The following CLYBL variants were observed in gnomAD, a reference collection of about 807,000 sequenced individuals.
CLYBL encodes citramalyl-CoA lyase, mitochondrial.
A neutral mutation model predicts 38.9 loss-of-function variants in CLYBL; 31 were observed. The ratio of observed to expected loss-of-function variants is 0.80; its 90% CI spans 0.60 to 1.08. The LOEUF is 1.08. Among genes scored for constraint, CLYBL ranks in the 50% least tolerant of loss-of-function variants. The pLI, the probability that CLYBL is intolerant of heterozygous loss-of-function variation, is 0.00. For synonymous variants in CLYBL, 171 were observed against 158.6 expected, an observed-to-expected ratio of 1.08 and a Z score of -0.59; for missense variants, 434 against 411.6, an observed-to-expected ratio of 1.05 and a Z score of -0.47.
chr13:99,789,617 A>G (rs1369249186), intron 2 of CLYBL, among the ~76,000 whole-genome samples: 1 of 152,202 alleles, frequency 6.6e-6, no homozygotes, highest in East Asian at 1.9e-4. Flanking sequence ...TTTACTTCCA[A>G]CTATGTGGTC....
intron 2 of CLYBL, among the ~76,000 whole-genome samples, chr13:99,845,031 A>G (rs1482733117): frequency 1.3e-5 from 2 of 152,194 alleles, no homozygotes; most frequent in African/African-American, 4.8e-5. Flanking sequence ...TTAACCAGGT[A>G]CTAATATTGT....
chr13:99,763,139 C>T (rs898307930), intron 1 of CLYBL, among the ~76,000 whole-genome samples: 1 of 152,114 alleles, frequency 6.6e-6, no homozygotes, highest in Admixed American at 6.6e-5. Context: ...TTCTTCTTTT[C>T]CAGTTTGGAT....
At chr13:99,750,502 C>T (rs1463957680) in intron 1 of CLYBL, among the ~76,000 whole-genome samples, 3 of 151,804 alleles carry the variant, frequency 2.0e-5, no homozygotes, top group Non-Finnish European at 2.9e-5. Flanking sequence ...GGTGAAACCC[C>T]GTCTCTACCA....
intron 1 of CLYBL, among the ~76,000 whole-genome samples, chr13:99,766,834 G>A (rs2138761897): frequency 6.6e-6 from 1 of 152,232 alleles, no homozygotes; most frequent in East Asian, 1.9e-4. Context: ...AGGCTGGCTA[G>A]GGGTCCATGC....
rs911294624 is a variant in CLYBL, at chr13:99,773,066, C to T, written c.249+56C>T. On this transcript the variant is annotated intron_variant, in intron 2 of 8. Transcript: ENST00000339105. ...AAAGGTATTGAAATTTGCTTCTCTTCCGAATAGTGACATTGCCCGCTATTT... is the reference window on the plus strand; with the variant it reads ...AAAGGTATTGAAATTTGCTTCTCTTTCGAATAGTGACATTGCCCGCTATTT... The T allele has an allele frequency of 7.1e-5, 103 of 1,460,188 alleles. 1 individual carries two copies. In the Middle Eastern group the frequency reaches 1.3e-3, roughly 19 times the overall value. 90.5% of individuals were successfully genotyped at this position (1,460,188 alleles called of 1,614,324 possible).
chr13:99,889,067 C>T (rs1246999438), intron 7 of CLYBL, among the ~76,000 whole-genome samples: 1 of 152,110 alleles, frequency 6.6e-6, no homozygotes, highest in Non-Finnish European at 1.5e-5. Context: ...GCAAAACCTG[C>T]GACCATAGAA....
At chr13:99,658,415 C>G (rs1775467696) in intron 1 of CLYBL, among the ~76,000 whole-genome samples, 1 of 152,214 alleles carries the variant, frequency 6.6e-6, no homozygotes, top group African/African-American at 2.4e-5. Flanking sequence ...GCGCAGGGTC[C>G]GCCTCCCACT....
chr13:99,621,163 C>A (rs886558857), intron 1 of CLYBL, among the ~76,000 whole-genome samples: 1 of 152,164 alleles, frequency 6.6e-6, no homozygotes, highest in African/African-American at 2.4e-5. Flanking sequence ...AGCTTCCTAA[C>A]GCTGTACTCT....
chr13:99,824,261 C>CCG (rs1305432307), intron 2 of CLYBL, among the ~76,000 whole-genome samples: 1 of 115,372 alleles, frequency 8.7e-6, no homozygotes, highest in East Asian at 3.2e-4. Context: ...CTAATAGCCC[C>CCG]CCCCACCCAC....
intron 2 of CLYBL, among the ~76,000 whole-genome samples, chr13:99,842,350 G>T (rs2139128531): frequency 6.6e-6 from 1 of 152,268 alleles, no homozygotes; most frequent in Middle Eastern, 3.4e-3. Flanking sequence ...TTGGGGAGAA[G>T]GGTGGGGGAA....
intron 1 of CLYBL, among the ~76,000 whole-genome samples, chr13:99,674,819 G>T (rs1409953616): frequency 2.0e-5 from 3 of 152,130 alleles, no homozygotes; most frequent in African/African-American, 7.2e-5. Flanking sequence ...AAGTTGGGAG[G>T]GGGTGATTGC....
chr13:99,632,751 AC>A (rs775962855), intron 1 of CLYBL, among the ~76,000 whole-genome samples: 4 of 144,462 alleles, frequency 2.8e-5, no homozygotes, highest in African/African-American at 4.9e-5. Context: ...CTCAAAAAAA[AC>A]AAAACAAAAA....
chr13:99,761,313 A>G (rs1014328288), intron 1 of CLYBL, among the ~76,000 whole-genome samples: 1 of 152,166 alleles, frequency 6.6e-6, no homozygotes, highest in Non-Finnish European at 1.5e-5. Context: ...AGATCGTGCC[A>G]CTCCACTCCA....
At chr13:99,901,833 T>C (rs2052647991), downstream of CLYBL, among the ~76,000 whole-genome samples, 1 of 152,090 alleles carries the variant, frequency 6.6e-6, no homozygotes, top group African/African-American at 2.4e-5. Flanking sequence ...CTAATTTTTG[T>C]ATTTTTAGTA....
At chr13:99,797,560 T>TGTGTGTGTGTGTGTGTG (rs2050046535) in intron 2 of CLYBL, among the ~76,000 whole-genome samples, 1 of 141,708 alleles carries the variant, frequency 7.1e-6, no homozygotes, top group Non-Finnish European at 1.5e-5. Flanking sequence ...TGTTAGCTGT[T>TGTGTGTGTGTGTGTGTG]TGTGTGTGTG....
At chr13:99,788,841 T>C (rs184659591) in intron 2 of CLYBL, among the ~76,000 whole-genome samples, 2 of 152,316 alleles carry the variant, frequency 1.3e-5, no homozygotes, top group East Asian at 3.9e-4. Context: ...TGGACTTTTT[T>C]TGGTTTGTAA....
Position 99,849,975 on chromosome 13 carries a change from C to T in CLYBL, c.250-8886C>T, listed in dbSNP as rs1171022261. On this transcript the variant is annotated intron_variant, in intron 2 of 8. Coordinates refer to ENST00000339105, the MANE Select transcript of CLYBL (RefSeq NM_206808.5). The surrounding 1 kb of genome is among the most constrained non-coding windows in gnomAD (Gnocchi z 4.9). The stretch of plus-strand genomic sequence containing the variant: ...AAAATATCACGATCCCCCCAATCCA[C>T]ACCATATACAAATATATATACTCAA... Among the ~76,000 whole-genome samples, 1 of 152,190 alleles carries T rather than the reference C, an allele frequency of 6.6e-6. No individual in the cohort carries two copies. Among genetic ancestry groups the T allele is most frequent in the Non-Finnish European group, 1.5e-5 (1 of 68,028 alleles).
chr13:99,719,294 A>G (rs1367006284), intron 1 of CLYBL, among the ~76,000 whole-genome samples: 1 of 151,394 alleles, frequency 6.6e-6, no homozygotes, highest in Non-Finnish European at 1.5e-5. Flanking sequence ...ACAGGCAGGC[A>G]CCACCAAGCC....
intron 1 of CLYBL, among the ~76,000 whole-genome samples, chr13:99,698,193 GT>G (rs1026524030): frequency 1.3e-4 from 19 of 151,992 alleles, no homozygotes; most frequent in African/African-American, 4.6e-4. Context: ...TTTTGTTTGT[GT>G]TTTTGTTTGA....
Sources: gnomAD v4.1 joint callset for allele counts (sites outside exome capture counted in the v4.1 genomes callset) on GRCh38, gnomAD v4.1.1 for gene constraint, Gnocchi (gnomAD v3.1) non-coding constraint, MANE v1.5 for transcripts, NCBI Gene and HGNC (gene_info 2026-07-23, HGNC 2026-07-21) for gene names.